Variants in SLC35F3 observed in about 807,000 individuals in gnomAD.
SLC35F3 encodes the protein solute carrier family 35 member F3, also known as putative thiamine transporter SLC35F3.
A neutral mutation model predicts 49.9 loss-of-function variants in SLC35F3; 25 were observed. That is an observed-to-expected ratio of 0.50 (90% CI 0.37 to 0.70). The LOEUF (loss-of-function observed/expected upper bound fraction) is 0.70, where lower values mean the gene tolerates loss of function less well. Ranked by LOEUF, SLC35F3 falls within the 30% of genes least tolerant of loss-of-function variation. SLC35F3 has a pLI of 0.00. For synonymous variants in SLC35F3, 275 were observed against 265.4 expected (o/e 1.04, Z -0.35); for missense variants, 525 against 639.8 (o/e 0.82, Z 1.94).
intron 2 of SLC35F3, among the ~76,000 whole-genome samples, chr1:233,991,470 A>G (rs1663353604): frequency 6.6e-6 from 1 of 152,160 alleles, no homozygotes; most frequent in Admixed American, 6.6e-5. Context: ...AAATAAAGAA[A>G]AAAGAAAAAA....
chr1:234,321,520 T>C (rs6673821), intron 7 of SLC35F3, among the ~76,000 whole-genome samples: 4,519 of 152,284 alleles, frequency 0.03, 234 homozygotes, highest in African/African-American at 0.099. Context: ...CTTGTCACCG[T>C]CCTCCCCCTA....
chr1:234,140,002 A>AATAAAATAAAATAAAAAAAAAAT lies in SLC35F3; in HGVS notation c.284-91415_284-91414insATAAAATAAAATAAAAAAAAAAT. Among the ~76,000 whole-genome samples, 4 of 105,368 alleles carry AATAAAATAAAATAAAAAAAAAAT rather than the reference A, an allele frequency of 3.8e-5. 1 individual carries two copies. Among genetic ancestry groups the AATAAAATAAAATAAAAAAAAAAT allele is most frequent in the Non-Finnish European group, 9.5e-5 (4 of 42,150 alleles). The allele number at this position is 105,368 out of a possible 152,430, so 69.1% of individuals were successfully genotyped here. ...AATAAAATAAAATAAAATAAAATAA[A>AATAAAATAAAATAAAAAAAAAAT]GTAAGTGACTTGAACACAAGTACTG... On this transcript the variant is annotated intron_variant, in intron 2 of 7. Transcript: ENST00000366618.
chr1:234,289,874 G>C (rs888115233), intron 3 of SLC35F3, among the ~76,000 whole-genome samples: 7 of 152,156 alleles, frequency 4.6e-5, no homozygotes, highest in East Asian at 3.8e-4. Context: ...CATTATGAAA[G>C]AGAAAGTTAG....
chr1:234,308,189 T>C (rs187138226), intron 3 of SLC35F3, among the ~76,000 whole-genome samples: 89 of 152,258 alleles, frequency 5.8e-4, no homozygotes, highest in Admixed American at 1.3e-3. Flanking sequence ...ACCCTAAAAA[T>C]GGCCTCAGGG....
intron 3 of SLC35F3, among the ~76,000 whole-genome samples, chr1:234,290,254 A>G (rs1668485682): frequency 6.6e-6 from 1 of 152,246 alleles, no homozygotes. Context: ...ACTTCATAGG[A>G]GCTTCAGAAG....
intron 2 of SLC35F3, among the ~76,000 whole-genome samples, chr1:233,925,779 T>C (rs986182559): frequency 3.9e-5 from 6 of 152,198 alleles, no homozygotes; most frequent in Non-Finnish European, 8.8e-5. Flanking sequence ...ACCAGTTGTT[T>C]CTTTCCATGT....
chr1:234,198,809 A>C (rs888753391), intron 2 of SLC35F3, among the ~76,000 whole-genome samples: 3 of 152,176 alleles, frequency 2.0e-5, no homozygotes, highest in African/African-American at 7.2e-5. Context: ...ATAATACATT[A>C]ATATTAACTG....
At chr1:234,022,401 C>T (rs1368397972) in intron 2 of SLC35F3, among the ~76,000 whole-genome samples, 3 of 152,214 alleles carry the variant, frequency 2.0e-5, no homozygotes, top group Non-Finnish European at 4.4e-5. Context: ...AAGAAAGAGT[C>T]AACGCTGCAG....
intron 2 of SLC35F3, among the ~76,000 whole-genome samples, chr1:234,197,463 G>A (rs1312745534): frequency 6.6e-6 from 1 of 152,228 alleles, no homozygotes; most frequent in Non-Finnish European, 1.5e-5. Context: ...GTTAAGGAGA[G>A]TCAATCAATC....
At chr1:234,015,928 T>G (rs182292662) in intron 2 of SLC35F3, among the ~76,000 whole-genome samples, 95 of 152,280 alleles carry the variant, frequency 6.2e-4, no homozygotes, top group South Asian at 1.9e-3. Flanking sequence ...ATCCAAATTA[T>G]ATAAGGAACC....
chr1:234,073,055 C>T (rs1664741339), intron 2 of SLC35F3, among the ~76,000 whole-genome samples: 1 of 152,218 alleles, frequency 6.6e-6, no homozygotes, highest in African/African-American at 2.4e-5. Context: ...AAAGTGATCC[C>T]ATTGACTCAT....
At chr1:234,194,619 T>TA (rs11353582) in intron 2 of SLC35F3, among the ~76,000 whole-genome samples, 93 of 150,522 alleles carry the variant, frequency 6.2e-4, no homozygotes, top group African/African-American at 2.0e-3. Flanking sequence ...ATTAATGCAA[T>TA]AAAAAAAAAG....
In SLC35F3 at chr1:234,231,756, C is replaced by T. The variant is rs1305432363; in HGVS notation, c.608+15C>T. The T allele has an allele frequency of 3.2e-6, 5 of 1,579,976 alleles. No individual in the cohort carries two copies. The African/African-American group carries it at 6.7e-5, about 21-fold the overall frequency. ...CAGCGATACAGGTAGGCGCGTCCTGCATGAGGAGGCCTCCTGACCCCGGGC... is the reference window on the plus strand; with the variant it reads ...CAGCGATACAGGTAGGCGCGTCCTGTATGAGGAGGCCTCCTGACCCCGGGC... On this transcript the variant is annotated intron_variant, in intron 3 of 7. Coordinates refer to ENST00000366618, the MANE Select transcript of SLC35F3 (RefSeq NM_173508.4). This position sits in a 1 kb window ranked among gnomAD's most constrained non-coding sequence, Gnocchi z 5.4.
intron 2 of SLC35F3, among the ~76,000 whole-genome samples, chr1:234,221,713 G>A (rs1667209036): frequency 6.6e-6 from 1 of 152,168 alleles, no homozygotes; most frequent in South Asian, 2.1e-4. Flanking sequence ...AGAAGGGACT[G>A]GAGGGAAGAA....
At chr1:234,197,306 C>T (rs933594613) in intron 2 of SLC35F3, among the ~76,000 whole-genome samples, 3 of 152,090 alleles carry the variant, frequency 2.0e-5, no homozygotes, top group Non-Finnish European at 4.4e-5. Context: ...CTCAGACAGG[C>T]ACTTCAAGGG....
chr1:234,279,398 C>T (rs12045858), intron 3 of SLC35F3, among the ~76,000 whole-genome samples: 128 of 152,224 alleles, frequency 8.4e-4, no homozygotes, highest in African/African-American at 2.9e-3. Context: ...AGGGGGCACA[C>T]AAATTTAGTC....
chr1:233,962,605 C>A (rs1048755525), intron 2 of SLC35F3, among the ~76,000 whole-genome samples: 7 of 152,172 alleles, frequency 4.6e-5, no homozygotes, highest in African/African-American at 7.2e-5. Context: ...TCAGTGTGTT[C>A]GTATTTTTAT....
intron 2 of SLC35F3, among the ~76,000 whole-genome samples, chr1:234,119,377 AC>A (rs1665539863): frequency 1.3e-5 from 2 of 152,250 alleles, no homozygotes; most frequent in South Asian, 4.1e-4. Context: ...TCAGGGATGA[AC>A]AAACCAAATA....
intron 3 of SLC35F3, among the ~76,000 whole-genome samples, chr1:234,238,263 T>TAC (rs1667505180): frequency 6.6e-6 from 1 of 152,066 alleles, no homozygotes; most frequent in African/African-American, 2.4e-5. Context: ...CCATGCCCCA[T>TAC]ACACACACAC....
Sources: allele counts gnomAD v4.1 joint callset (sites outside exome capture counted in the v4.1 genomes callset), GRCh38; gene constraint gnomAD v4.1.1; non-coding constraint Gnocchi (gnomAD v3.1); transcripts MANE v1.5; gene names NCBI Gene and HGNC (gene_info 2026-07-23, HGNC 2026-07-21).